WDR64: variants seen among roughly 807,000 people sequenced by gnomAD.
The protein encoded by WDR64 is WD repeat-containing protein 64.
WDR64 carries 112 observed loss-of-function variants against 139.3 expected under a neutral mutation model. The observed-to-expected ratio is 0.80, with a 90% CI of 0.69 to 0.94. The LOEUF is 0.94. Ranked by LOEUF, WDR64 falls within the 40% of genes least tolerant of loss-of-function variation. WDR64 has a pLI of 0.00. For missense variants in WDR64, 1,206 were observed against 1,293.1 expected, an observed-to-expected ratio of 0.93 and a Z score of 1.03; for synonymous variants, 444 against 437.7, an observed-to-expected ratio of 1.01 and a Z score of -0.18.
chr1:241,723,539 A>G (rs896383156), intron 10 of WDR64, 103 bp downstream of exon 10: 4 of 1,256,874 alleles, frequency 3.2e-6, no homozygotes, highest in Non-Finnish European at 3.2e-6. Context: ...AATGATAGTC[A>G]TTGAATCATT....
At chr1:241,652,850 T>A (rs1665416806) in intron 1 of WDR64, among the ~76,000 whole-genome samples, 2 of 152,188 alleles carry the variant, frequency 1.3e-5, no homozygotes, top group South Asian at 4.1e-4. Flanking sequence ...TTTTTTTTAC[T>A]TCTCTGAACC....
rs1667795936 is a variant in WDR64, at chr1:241,703,213, GCTT to G, written c.975-8585_975-8583del. Among the ~76,000 whole-genome samples, 1 of 152,098 alleles carries G rather than the reference GCTT, an allele frequency of 6.6e-6. No homozygotes were observed. The highest frequency in any genetic ancestry group is 1.5e-5 in the Non-Finnish European group (1 of 68,024). ...GGGACTCTGCTGACTCAGTAGCCCT[GCTT>G]CTTTAGCAATCACACAGTTCCCCTG... On this transcript the variant is annotated intron_variant, in intron 8 of 27. Transcript: ENST00000437684. This position sits in a 1 kb window ranked among gnomAD's most constrained non-coding sequence, Gnocchi z 5.9.
intron 14 of WDR64, among the ~76,000 whole-genome samples, chr1:241,754,379 G>A (rs1670099209): frequency 7.1e-6 from 1 of 141,806 alleles, no homozygotes; most frequent in South Asian, 2.3e-4. Flanking sequence ...GAGTGCAGTG[G>A]CATGATCATG....
chr1:241,785,204 G>T (rs1658995043), intron 23 of WDR64, among the ~76,000 whole-genome samples: 1 of 151,982 alleles, frequency 6.6e-6, no homozygotes, highest in African/African-American at 2.4e-5. Context: ...GCTTGTCTTG[G>T]TCTGTTCAGG....
chr1:241,711,586 G>C (rs1263288760), intron 8 of WDR64, among the ~76,000 whole-genome samples: 1 of 152,068 alleles, frequency 6.6e-6, no homozygotes, highest in Non-Finnish European at 1.5e-5. Flanking sequence ...TTTTAAACAG[G>C]AACAATACAA....
chr1:241,781,520 A>G (rs762744615), intron 22 of WDR64, among the ~76,000 whole-genome samples: 4 of 152,238 alleles, frequency 2.6e-5, no homozygotes, highest in Non-Finnish European at 4.4e-5. Flanking sequence ...AGGTCAGTCT[A>G]GAAAAAAAGG....
intron 14 of WDR64, among the ~76,000 whole-genome samples, chr1:241,754,841 T>C (rs952133583): frequency 5.3e-5 from 8 of 152,092 alleles, no homozygotes; most frequent in African/African-American, 1.4e-4. Context: ...TGTTCCTGTG[T>C]TGTTTGCTGA....
chr1:241,655,065 G>T (rs1422582446), intron 1 of WDR64, among the ~76,000 whole-genome samples: 1 of 152,050 alleles, frequency 6.6e-6, no homozygotes, highest in Non-Finnish European at 1.5e-5. Flanking sequence ...TCTATCTCTT[G>T]GCTTATTACA....
intron 10 of WDR64, among the ~76,000 whole-genome samples, chr1:241,736,732 A>G (rs1669341920): frequency 6.6e-6 from 1 of 152,202 alleles, no homozygotes; most frequent in Non-Finnish European, 1.5e-5. Context: ...GCAAAAGCAA[A>G]CATAATAACT....
chr1:241,752,527 G>A (rs2148267572), intron 14 of WDR64, among the ~76,000 whole-genome samples: 1 of 152,288 alleles, frequency 6.6e-6, no homozygotes, highest in South Asian at 2.1e-4. Flanking sequence ...GTCATAGGAG[G>A]TTCCATTGAA....
At chr1:241,676,642 A>G (rs1031971272) in intron 4 of WDR64, among the ~76,000 whole-genome samples, 4 of 152,234 alleles carry the variant, frequency 2.6e-5, no homozygotes, top group Non-Finnish European at 4.4e-5. Flanking sequence ...GCACATACAC[A>G]CAAAAGCTTA....
Position 241,801,199 on chromosome 1 carries a change from C to A in WDR64, c.3260C>A (p.Pro1087Gln), listed in dbSNP as rs762181712. The A allele has an allele frequency of 6.2e-7, 1 of 1,613,508 alleles. No homozygotes were observed. The highest frequency in any genetic ancestry group is 8.5e-7 in the Non-Finnish European group (1 of 1,179,722). Residue 1087 changes from proline (P) to glutamine (Q), a missense_variant, in exon 28 of 28, where the codon CCA becomes CAA. Transcript: ENST00000437684. ...ATAAATCTGGCTTCTTCCTTCTTCC[C>A]AGCTATACCCAAGTAAGGAGAAAAA... ...PQINLASSFF[P>Q]AIPK is the part of the protein sequence containing the mutation.
rs143386109 is a variant in WDR64, at chr1:241,720,344, G to A, written c.1055-2953G>A. ...AGTAATGGGATTGCTGGGTCAAATG[G>A]TATTTCTGTCCCTAGATATTTGAGG... On this transcript the variant is annotated intron_variant, in intron 9 of 27. Transcript: ENST00000437684. Among the ~76,000 whole-genome samples the A allele has an allele frequency of 3.3e-5, 5 of 152,232 alleles. No homozygotes were observed. In the East Asian group the frequency reaches 5.8e-4, roughly 18 times the overall value.
At chr1:241,711,236 C>A (rs1179745272) in intron 8 of WDR64, among the ~76,000 whole-genome samples, 214 of 139,144 alleles carry the variant, frequency 1.5e-3, no homozygotes, top group Admixed American at 1.8e-3. Flanking sequence ...GACCTTGTCT[C>A]AAAAAAAAAA....
chr1:241,730,896 T>C (rs142697184), intron 10 of WDR64, among the ~76,000 whole-genome samples: 104 of 152,238 alleles, frequency 6.8e-4, no homozygotes, highest in African/African-American at 2.5e-3. Context: ...ACTGGGAAAA[T>C]TGAACTTGAT....
At chr1:241,692,687 A>G (rs1319472634) in intron 8 of WDR64, among the ~76,000 whole-genome samples, 1 of 152,234 alleles carries the variant, frequency 6.6e-6, no homozygotes, top group Non-Finnish European at 1.5e-5. Flanking sequence ...CTGATAAAGG[A>G]CTGTTATCCA....
chr1:241,765,770 A>G (rs1015550442), intron 15 of WDR64, among the ~76,000 whole-genome samples: 9 of 152,224 alleles, frequency 5.9e-5, no homozygotes, highest in African/African-American at 2.2e-4. Context: ...AACATAGTAG[A>G]TATCTAACAA....
At chr1:241,668,204 G>A (rs553548501) in intron 2 of WDR64, among the ~76,000 whole-genome samples, 1 of 152,258 alleles carries the variant, frequency 6.6e-6, no homozygotes, top group South Asian at 2.1e-4. Context: ...AGATTCTGGG[G>A]AAAGTAAAAG....
intron 11 of WDR64, 103 bp downstream of exon 11, chr1:241,738,592 G>A (rs1175968633): frequency 8.3e-7 from 1 of 1,202,426 alleles, no homozygotes; most frequent in South Asian, 1.8e-5. Context: ...AAAACTAGAA[G>A]GGTAATTTAT....
Sources: gnomAD v4.1 joint callset for allele counts (sites outside exome capture counted in the v4.1 genomes callset) on GRCh38, gnomAD v4.1.1 for gene constraint, Gnocchi (gnomAD v3.1) non-coding constraint, MANE v1.5 for transcripts, NCBI Gene and HGNC (gene_info 2026-07-23, HGNC 2026-07-21) for gene names.